Variants in RGS22 observed in about 807,000 individuals in gnomAD.
RGS22 encodes the protein regulator of G-protein signaling 22.
In RGS22, 148 loss-of-function variants were observed where a neutral mutation model predicts 172.9. The ratio of observed to expected loss-of-function variants is 0.86; its 90% confidence interval spans 0.75 to 0.98. RGS22 has a LOEUF of 0.98. RGS22 is among the 50% of genes least tolerant of loss of function. The pLI is 0.00. For synonymous variants in RGS22, 458 were observed against 480.2 expected, an observed-to-expected ratio of 0.95 and a Z score of 0.60; for missense variants, 1,347 against 1,440.8, an observed-to-expected ratio of 0.93 and a Z score of 1.05.
chr8:99,987,723 T>A, intron 20 of RGS22, 104 bp from the exon 21 acceptor site: 1 of 724,718 alleles, frequency 1.4e-6, no homozygotes, highest in Non-Finnish European at 2.0e-6. Context: ...GGCATGGCTA[T>A]AATAGAATTT....
At chr8:100,053,825 C>CG (rs1821963471) in intron 9 of RGS22, among the ~76,000 whole-genome samples, 1 of 151,940 alleles carries the variant, frequency 6.6e-6, no homozygotes, top group Non-Finnish European at 1.5e-5. Flanking sequence ...TTAGTAGAGA[C>CG]AGGTTTCACC....
chr8:100,033,062 G>T (rs553759449), intron 14 of RGS22, among the ~76,000 whole-genome samples: 34 of 152,298 alleles, frequency 2.2e-4, no homozygotes, highest in African/African-American at 7.9e-4. Context: ...ACAAGAGAAA[G>T]CAGGAAAGAC....
chr8:100,103,628 T>A (rs1176184272), intron 2 of RGS22, among the ~76,000 whole-genome samples: 1 of 135,550 alleles, frequency 7.4e-6, no homozygotes, highest in Non-Finnish European at 1.7e-5. Flanking sequence ...TATGGAGATG[T>A]GGAAGTCCCA....
At chr8:100,055,556 C>T (rs1454474212) in intron 9 of RGS22, among the ~76,000 whole-genome samples, 1 of 152,140 alleles carries the variant, frequency 6.6e-6, no homozygotes, top group African/African-American at 2.4e-5. Flanking sequence ...ACAATATCTA[C>T]CTCATATGGT....
intron 9 of RGS22, among the ~76,000 whole-genome samples, chr8:100,053,855 T>C (rs1586147376): frequency 1.3e-5 from 2 of 152,180 alleles, no homozygotes; most frequent in South Asian, 2.1e-4. Flanking sequence ...AGGATGGTCT[T>C]GATCTCCAGA....
At position 99,973,741 on chromosome 8, in the gene RGS22, C is replaced by T. The variant is rs527990242; in HGVS notation, c.3519+4176G>A. On this transcript the variant is annotated intron_variant, in intron 23 of 27. Transcript: ENST00000360863. ...AAAATTAGCTGGGTGTAGTGGCGGG[C>T]GCCTGTAATCCCAGCTACTTGGGAG... 1.8e-3 allele frequency among the ~76,000 whole-genome samples: 272 copies of T among 151,200 alleles called. 3 individuals are homozygous for T. The highest frequency in any genetic ancestry group is 2.4e-3 in the Non-Finnish European group (163 of 67,544).
intron 7 of RGS22, among the ~76,000 whole-genome samples, chr8:100,064,385 C>G (rs1294215606): frequency 1.3e-5 from 2 of 152,064 alleles, no homozygotes; most frequent in Non-Finnish European, 2.9e-5. Flanking sequence ...ATCGCTTGAA[C>G]CCAGGAGATA....
chr8:100,041,937 C>A (rs1188669778), intron 11 of RGS22, 21 bp from the exon 12 acceptor site: 1 of 1,485,704 alleles, frequency 6.7e-7, no homozygotes, highest in Non-Finnish European at 9.4e-7. Context: ...AGGATGAGAA[C>A]TAAAATTATA....
intron 22 of RGS22, among the ~76,000 whole-genome samples, 154 bp from the exon 23 acceptor site, chr8:99,978,229 C>G (rs1206756816): frequency 6.6e-6 from 1 of 152,082 alleles, no homozygotes; most frequent in East Asian, 1.9e-4. Context: ...TTTTGCTCAG[C>G]ACATGCTTAT....
At chr8:99,970,069 T>G (rs1390413362) in intron 23 of RGS22, among the ~76,000 whole-genome samples, 4 of 152,222 alleles carry the variant, frequency 2.6e-5, no homozygotes, top group African/African-American at 7.2e-5. Flanking sequence ...GAACTCAGGA[T>G]TAAGAAACTC....
chr8:99,974,850 T>C (rs1811757381), intron 23 of RGS22, among the ~76,000 whole-genome samples: 1 of 150,276 alleles, frequency 6.7e-6, no homozygotes, highest in Admixed American at 6.6e-5. Context: ...CCCTATGCAT[T>C]AAAAAAAGTC....
At chr8:100,006,174 G>T in intron 15 of RGS22, 65 bp from the exon 16 acceptor site, 1 of 1,276,912 alleles carries the variant, frequency 7.8e-7, no homozygotes, top group Non-Finnish European at 1.1e-6. Context: ...ACAGTGGGCT[G>T]AAAAACAAAT....
intron 14 of RGS22, among the ~76,000 whole-genome samples, chr8:100,032,930 C>T (rs1376731602): frequency 2.6e-5 from 4 of 152,000 alleles, no homozygotes; most frequent in Admixed American, 1.3e-4. Context: ...GAGTAAATAA[C>T]GAAATGAAGG....
At chr8:100,083,771 C>T (rs927987322) in intron 3 of RGS22, among the ~76,000 whole-genome samples, 1 of 151,776 alleles carries the variant, frequency 6.6e-6, no homozygotes, top group Non-Finnish European at 1.5e-5. Flanking sequence ...TACAACACAA[C>T]TCTGGAGTTA....
At position 100,066,542 on chromosome 8, in the gene RGS22, T is replaced by C. The variant is rs763002983; in HGVS notation, c.595-246A>G. Among the ~76,000 whole-genome samples the C allele has an allele frequency of 7.9e-5, 12 of 152,284 alleles. No individual in the cohort carries two copies. In the South Asian group the frequency reaches 1.5e-3, roughly 18 times the overall value. On this transcript the variant is annotated intron_variant, in intron 6 of 27. Coordinates refer to ENST00000360863, the MANE Select transcript of RGS22 (RefSeq NM_015668.5). ...AAGGAAAATATGTGTCCAATACCTATAAATTCTCCACTCTCACTCTCAGAC... is the reference window on the plus strand; with the variant it reads ...AAGGAAAATATGTGTCCAATACCTACAAATTCTCCACTCTCACTCTCAGAC...
intron 14 of RGS22, among the ~76,000 whole-genome samples, chr8:100,023,637 G>A (rs546183394): frequency 2.6e-5 from 4 of 152,056 alleles, no homozygotes; most frequent in South Asian, 2.1e-4. Context: ...GCCTCACCAC[G>A]TTGTTCATGC....
chr8:100,043,917 TAAAAGG>T (rs1820435948), intron 11 of RGS22, among the ~76,000 whole-genome samples: 1 of 151,958 alleles, frequency 6.6e-6, no homozygotes. Context: ...TTACAGAAAT[TAAAAGG>T]ATTATGAAGG....
At chr8:100,067,053 A>G (rs1810582419) in intron 6 of RGS22, among the ~76,000 whole-genome samples, 1 of 152,188 alleles carries the variant, frequency 6.6e-6, no homozygotes, top group Admixed American at 6.5e-5. Flanking sequence ...TTTTTACTAG[A>G]GAATCCAAGT....
At chr8:100,076,971 C>A (rs2131878737) in intron 4 of RGS22, among the ~76,000 whole-genome samples, 1 of 151,742 alleles carries the variant, frequency 6.6e-6, no homozygotes, top group East Asian at 1.9e-4. Context: ...CCAGCCAGGG[C>A]ATCAGAGCGA....
Sources: gnomAD v4.1 joint callset for allele counts (sites outside exome capture counted in the v4.1 genomes callset) on GRCh38, gnomAD v4.1.1 for gene constraint, MANE v1.5 for transcripts, NCBI Gene and HGNC (gene_info 2026-07-23, HGNC 2026-07-21) for gene names.